Variants in UBE3A observed in about 807,000 individuals in gnomAD.
UBE3A encodes ubiquitin protein ligase E3A, also known as ubiquitin-protein ligase E3A.
A neutral mutation model predicts 83.4 loss-of-function variants in UBE3A; 6 were observed. The observed-to-expected ratio is 0.07, with a 90% CI of 0.04 to 0.14. The LOEUF (loss-of-function observed/expected upper bound fraction) is 0.14. UBE3A is among the 10% of genes least tolerant of loss of function. The probability of loss-of-function intolerance (pLI) is 1.00; values close to 1 mark genes in which losing one functional copy is unlikely to be tolerated. For missense variants in UBE3A, 456 were observed against 1,036.1 expected, an observed-to-expected ratio of 0.44 and a Z score of 7.69; for synonymous variants, 337 against 355.4, an observed-to-expected ratio of 0.95 and a Z score of 0.58.
chr15:25,433,154 T>C (rs1315862375), intron 1 of UBE3A, among the ~76,000 whole-genome samples: 1 of 151,928 alleles, frequency 6.6e-6, no homozygotes, highest in Non-Finnish European at 1.5e-5. Flanking sequence ...TAAAATGAAT[T>C]CACACACTAA....
At chr15:25,364,646 T>G (rs936158000) in intron 6 of UBE3A, among the ~76,000 whole-genome samples, 3 of 80,618 alleles carry the variant, frequency 3.7e-5, no homozygotes, top group African/African-American at 9.8e-5. Context: ...TTTTTGTTTG[T>G]TTTTTTTTTT....
At chr15:25,392,517 T>A (rs1336635331) in intron 4 of UBE3A, among the ~76,000 whole-genome samples, 1 of 152,170 alleles carries the variant, frequency 6.6e-6, no homozygotes, top group Non-Finnish European at 1.5e-5. Flanking sequence ...AAATTCTGCT[T>A]GTCAGGCTAC....
intron 11 of UBE3A, chr15:25,346,629 G>A (rs192556090): frequency 3.3e-5 from 5 of 152,210 alleles, no homozygotes; most frequent in Admixed American, 3.3e-4. Flanking sequence ...GCAATTACAA[G>A]TTCTACTGTT....
At position 25,409,159 on chromosome 15, in the gene UBE3A, G is replaced by C; in HGVS notation, c.-52C>G. 1 of 1,568,374 alleles carries C rather than the reference G, an allele frequency of 6.4e-7. No homozygotes were observed. Among genetic ancestry groups the C allele is most frequent in the Non-Finnish European group, 8.7e-7 (1 of 1,149,118 alleles). Reference sequence around the variant, plus strand: ...TTGAGTCACTGATTAAAAACAGGTTGTCACACCAGTCTAGCTGCTACCTTG... The same window carrying C: ...TTGAGTCACTGATTAAAAACAGGTTCTCACACCAGTCTAGCTGCTACCTTG... On this transcript the variant is annotated 5_prime_UTR_variant, in exon 3 of 13. Transcript: ENST00000648336.
At chr15:25,361,356 C>T (rs1411095783) in intron 6 of UBE3A, among the ~76,000 whole-genome samples, 2 of 152,054 alleles carry the variant, frequency 1.3e-5, no homozygotes, top group Non-Finnish European at 2.9e-5. Context: ...GAACTCCTGA[C>T]CTCATGATCC....
At chr15:25,394,146 C>G (rs939151442) in intron 4 of UBE3A, among the ~76,000 whole-genome samples, 1 of 152,140 alleles carries the variant, frequency 6.6e-6, no homozygotes, top group Non-Finnish European at 1.5e-5. Context: ...AGTACCTATT[C>G]TATTATATAT....
At chr15:25,391,726 G>A (rs1016246387) in intron 4 of UBE3A, 2 of 152,246 alleles carry the variant, frequency 1.3e-5, no homozygotes, top group African/African-American at 4.8e-5. Flanking sequence ...AGAGAAGGAA[G>A]AAAAGGCGCA....
At chr15:25,425,130 G>A (rs547678939) in intron 1 of UBE3A, among the ~76,000 whole-genome samples, 8 of 152,160 alleles carry the variant, frequency 5.3e-5, no homozygotes, top group African/African-American at 1.9e-4. Flanking sequence ...TCAAGAGTGT[G>A]TGTTACCCAA....
intron 4 of UBE3A, among the ~76,000 whole-genome samples, chr15:25,404,735 C>T (rs1362891517): frequency 2.0e-5 from 3 of 152,128 alleles, no homozygotes; most frequent in African/African-American, 7.2e-5. Context: ...TACCTTCTAT[C>T]ACATCTTATC....
At chr15:25,391,374 TAG>T (rs1166065378) in intron 4 of UBE3A, among the ~76,000 whole-genome samples, 1 of 152,230 alleles carries the variant, frequency 6.6e-6, no homozygotes, top group Admixed American at 6.5e-5. Context: ...TCAATGAATG[TAG>T]AGTTTCTGTT....
chr15:25,424,135 T>A (rs1306868333), intron 1 of UBE3A, among the ~76,000 whole-genome samples: 1 of 152,140 alleles, frequency 6.6e-6, no homozygotes, highest in East Asian at 1.9e-4. Flanking sequence ...TAGGTAAAAA[T>A]CAAACACCTT....
rs151186013 is a variant in UBE3A at position 25,405,451 on chromosome 15, T to G, written c.62+10A>C. 1.2e-6 allele frequency: 2 copies of G among 1,613,854 alleles called. No individual in the cohort carries two copies. Among genetic ancestry groups the G allele is most frequent in the Non-Finnish European group, 1.7e-6 (2 of 1,179,822 alleles). ...AATAAGAACCACAGTCTCAACCAAG[T>G]TACACTTACATTCGGCTAGCTTCAA... On this transcript the variant is annotated intron_variant, in intron 4 of 12. Transcript: ENST00000648336.
chr15:25,340,875 G>A (rs1169799802), intron 11 of UBE3A, among the ~76,000 whole-genome samples: 2 of 152,204 alleles, frequency 1.3e-5, no homozygotes, highest in African/African-American at 4.8e-5. Context: ...TGACATTTCT[G>A]CCACCTGCAG....
intron 4 of UBE3A, among the ~76,000 whole-genome samples, chr15:25,388,181 ATT>A (rs1346689915): frequency 6.6e-6 from 1 of 152,188 alleles, no homozygotes; most frequent in Non-Finnish European, 1.5e-5. Context: ...ACAGACCCAT[ATT>A]TGTCATGAAC....
intron 4 of UBE3A, among the ~76,000 whole-genome samples, chr15:25,395,185 G>A (rs1390856815): frequency 1.3e-5 from 2 of 152,182 alleles, no homozygotes; most frequent in Admixed American, 6.5e-5. Flanking sequence ...AGCAAGTGCG[G>A]TAGAGAGATC....
intron 8 of UBE3A, 50 bp from the exon 9 acceptor site, chr15:25,356,106 A>G: frequency 6.3e-7 from 1 of 1,590,372 alleles, no homozygotes; most frequent in African/African-American, 1.3e-5. Flanking sequence ...TACAAAATAC[A>G]ACAAATAATT....
At chr15:25,341,303 C>T (rs1226082352) in intron 11 of UBE3A, among the ~76,000 whole-genome samples, 1 of 151,730 alleles carries the variant, frequency 6.6e-6, no homozygotes, top group Non-Finnish European at 1.5e-5. Context: ...GATCTCCTGA[C>T]CTCGTGATCC....
chr15:25,358,564 A>T (rs536715152), intron 7 of UBE3A, among the ~76,000 whole-genome samples: 20 of 152,196 alleles, frequency 1.3e-4, no homozygotes, highest in Non-Finnish European at 2.1e-4. Context: ...TTAAGTCTGA[A>T]AAAAATCTGT....
intron 6 of UBE3A, among the ~76,000 whole-genome samples, chr15:25,365,539 G>C (rs1055713651): frequency 1.3e-5 from 2 of 150,910 alleles, no homozygotes; most frequent in Non-Finnish European, 2.9e-5. Flanking sequence ...ACGAGGTCAG[G>C]AGATTGAGAC....
Sources: allele counts gnomAD v4.1 joint callset (sites outside exome capture counted in the v4.1 genomes callset), GRCh38; gene constraint gnomAD v4.1.1; transcripts MANE v1.5; gene names NCBI Gene and HGNC (gene_info 2026-07-23, HGNC 2026-07-21).